Variants in LRP1 observed in about 807,000 individuals in gnomAD.
The protein encoded by LRP1 is LDL receptor related protein 1.
LRP1 carries 51 observed loss-of-function variants against 541.5 expected under a neutral mutation model. The ratio of observed to expected loss-of-function variants is 0.09; its 90% CI spans 0.08 to 0.12. The LOEUF (loss-of-function observed/expected upper bound fraction) is 0.12, where lower values mean the gene tolerates loss of function less well. Among genes scored for constraint, LRP1 ranks in the 10% least tolerant of loss-of-function variants. The pLI is 1.00. For synonymous variants in LRP1, 2,219 were observed against 2,470.8 expected, an observed-to-expected ratio of 0.90 and a Z score of 3.02; for missense variants, 3,878 against 6,376.2, an observed-to-expected ratio of 0.61 and a Z score of 13.34.
chr12:57,202,412 C>T lies in LRP1; in HGVS notation c.10595-9C>T, dbSNP rs763054060. 11 of 1,603,794 alleles carry T rather than the reference C, an allele frequency of 6.9e-6. No individual in the cohort carries two copies. Among genetic ancestry groups the T allele is most frequent in the African/African-American group, 1.3e-5 (1 of 74,800 alleles). On this transcript the variant is annotated splice_polypyrimidine_tract_variant and intron_variant, in intron 67 of 88. Coordinates refer to ENST00000243077, the MANE Select transcript of LRP1 (RefSeq NM_002332.3). Reference sequence around the variant, plus strand: ...TTTCCCTGACTGCCCTGACACTTGCCTCCTCCAGATGAACGCACCTGTGAG... The same window carrying T: ...TTTCCCTGACTGCCCTGACACTTGCTTCCTCCAGATGAACGCACCTGTGAG...
In LRP1 at chr12:57,162,664, A is replaced by T; in HGVS notation, c.2404+146A>T. On this transcript the variant is annotated intron_variant, in intron 14 of 88. Coordinates refer to ENST00000243077, the MANE Select transcript of LRP1 (RefSeq NM_002332.3). This position sits in a 1 kb window ranked among gnomAD's most constrained non-coding sequence, Gnocchi z 5.2. ...GGATCCTGAGAAGAGAACTCCCCCA[A>T]CACAATCTGATTCTCTGTTCCCCAT... The T allele has an allele frequency of 9.1e-7, 1 of 1,093,334 alleles. No individual in the cohort carries two copies. The highest frequency in any genetic ancestry group is 1.3e-6 in the Non-Finnish European group (1 of 759,668). 67.7% of individuals were successfully genotyped at this position (1,093,334 alleles called of 1,614,324 possible). A position where few individuals can be genotyped will look rare whatever the true frequency, so the allele number is the denominator to read the frequency against.
chr12:57,184,270 G>T lies in LRP1; in HGVS notation c.6059+56G>T. 1.9e-6 allele frequency: 3 copies of T among 1,613,918 alleles called. No individual in the cohort carries two copies. The highest frequency in any genetic ancestry group is 2.5e-6 in the Non-Finnish European group (3 of 1,179,798). The stretch of plus-strand genomic sequence containing the variant: ...TCTGCCCATGGCCCATGCTGATGAG[G>T]CCCTGTCTCCTCCAGGGTCTGAGGA... On this transcript the variant is annotated intron_variant, in intron 37 of 88. Coordinates refer to ENST00000243077, the MANE Select transcript of LRP1 (RefSeq NM_002332.3). The surrounding 1 kb of genome is among the most constrained non-coding windows in gnomAD (Gnocchi z 7.8).
intron 50 of LRP1, 133 bp from the exon 51 acceptor site, chr12:57,194,852 G>A: frequency 8.5e-7 from 1 of 1,179,010 alleles, no homozygotes; most frequent in Non-Finnish European, 1.2e-6. Flanking sequence ...CAGAGACTCT[G>A]CCTCTAGCTG....
chr12:57,154,516 G>A lies in LRP1; in HGVS notation c.1042G>A (p.Val348Met), dbSNP rs772498078. The A allele has an allele frequency of 2.5e-6, 4 of 1,614,230 alleles. No individual in the cohort carries two copies. In the South Asian group the frequency reaches 4.4e-5, roughly 18 times the overall value. The part of the protein sequence containing the change: ...FFTDYGQIPK[V>M]ERCDMDGQNR... ...CACTGACTATGGGCAGATCCCAAAG[G>A]TGGAACGCTGTGACATGGATGGGCA... The change falls in exon 8 of 89, where the codon GTG (valine) becomes ATG (methionine). Residue 348 changes from valine to methionine, a missense_variant. By Grantham distance (21) the Val-to-Met change is conservative. This residue lies in a region of LRP1 where 496 missense variants were observed against 861.0 expected (regional missense o/e 0.58). Transcript: ENST00000243077. This position sits in a 1 kb window ranked among gnomAD's most constrained non-coding sequence, Gnocchi z 4.6.
chr12:57,195,347 C>A lies in LRP1; in HGVS notation c.8385C>A (p.Asp2795Glu), dbSNP rs768317426. 1 of 1,612,080 alleles carries A rather than the reference C, an allele frequency of 6.2e-7. No individual in the cohort carries two copies. Among genetic ancestry groups the A allele is most frequent in the Non-Finnish European group, 8.5e-7 (1 of 1,180,026 alleles). The change falls in exon 52 of 89, where the codon GAC becomes GAA. Residue 2795 changes from aspartate to glutamate, a missense_variant. Around this residue, in one of 13 missense-constraint regions of LRP1, gnomAD observed 1,100 missense variants for 1,827.4 expected, o/e 0.60. Coordinates refer to ENST00000243077, the MANE Select transcript of LRP1 (RefSeq NM_002332.3). ...HVCVPERWLC[D>E]GDKDCADGAD... ...GCGTCCCCGAGCGCTGGCTCTGTGA[C>A]GGTGACAAAGACTGTGCTGATGGTG... is the stretch of plus-strand genomic sequence containing the variant.
chr12:57,203,339 G>A (rs2036697307), intron 69 of LRP1, 50 bp from the exon 70 acceptor site: 2 of 1,590,920 alleles, frequency 1.3e-6, no homozygotes, highest in Non-Finnish European at 1.7e-6. Context: ...GTTCAGGCAG[G>A]GCTTGGGGAG....
At position 57,162,657 on chromosome 12, in the gene LRP1, T is replaced by C; in HGVS notation, c.2404+139T>C. 9.0e-7 allele frequency: 1 copy of C among 1,112,852 alleles called. No homozygotes were observed. The highest frequency in any genetic ancestry group is 1.3e-6 in the Non-Finnish European group (1 of 775,748). The allele number at this position is 1,112,852 out of a possible 1,614,324, so 68.9% of individuals were successfully genotyped here. On this transcript the variant is annotated intron_variant, in intron 14 of 88. Transcript: ENST00000243077. This position sits in a 1 kb window ranked among gnomAD's most constrained non-coding sequence, Gnocchi z 5.2. The stretch of plus-strand genomic sequence containing the variant: ...CTTTTGAGGATCCTGAGAAGAGAAC[T>C]CCCCCAACACAATCTGATTCTCTGT...
intron 17 of LRP1, 67 bp downstream of exon 17, chr12:57,166,276 C>T (rs2035838687): frequency 6.6e-7 from 1 of 1,520,000 alleles, no homozygotes; most frequent in Non-Finnish European, 8.8e-7. Flanking sequence ...ACGAGGGGGC[C>T]AGGTTCAGTG....
chr12:57,183,259 A>C lies in LRP1; in HGVS notation c.5663-120A>C. 9.1e-7 allele frequency: 1 copy of C among 1,098,010 alleles called. No individual in the cohort carries two copies. Among genetic ancestry groups the C allele is most frequent in the Non-Finnish European group, 1.3e-6 (1 of 753,912 alleles). The allele number at this position is 1,098,010 out of a possible 1,614,324, so 68.0% of individuals were successfully genotyped here. On this transcript the variant is annotated intron_variant, in intron 34 of 88. Transcript: ENST00000243077. This position sits in a 1 kb window ranked among gnomAD's most constrained non-coding sequence, Gnocchi z 6.1. ...AGGGTGTGTGTGCTGGGTGGAGGAT[A>C]GGGATGATGGTGGGGGGGGATGATA...
In LRP1 at chr12:57,190,837, A is replaced by G. The variant is rs1161739976; in HGVS notation, c.7064A>G (p.His2355Arg). 1 of 1,613,940 alleles carries G rather than the reference A, an allele frequency of 6.2e-7. No individual in the cohort carries two copies. The highest frequency in any genetic ancestry group is 1.7e-5 in the Admixed American group (1 of 60,022). The change falls in exon 43 of 89, where the codon CAT becomes CGT. Residue 2355 changes from histidine to arginine, a missense_variant. Transcript: ENST00000243077. ...TTCTGGACCAACTGGAATGAGCAGC[A>G]TCCCAGCATCATGCGGGCGGCGCTC... ...LMFWTNWNEQ[H>R]PSIMRAALSG...
rs139469031 is a variant in LRP1 at position 57,154,324 on chromosome 12, C to T, written c.958C>T (p.Leu320=). 3.2e-4 allele frequency: 524 copies of T among 1,614,116 alleles called. No homozygotes were observed. The highest frequency in any genetic ancestry group is 4.7e-4 in the Admixed American group (28 of 60,036). ...NGDTCVTLLD[L]ELYNPKGIAL... is the part of the protein sequence containing the mutation. ...GGACACATGTGTCACATTGCTAGACCTGGAACTCTACAACCCCAAGGGCAT... is the reference window on the plus strand; with the variant it reads ...GGACACATGTGTCACATTGCTAGACTTGGAACTCTACAACCCCAAGGGCAT... Residue 320 remains leucine (L), a synonymous_variant, in exon 7 of 89, where the codon CTG becomes TTG. Coordinates refer to ENST00000243077, the MANE Select transcript of LRP1 (RefSeq NM_002332.3). The surrounding 1 kb of genome is among the most constrained non-coding windows in gnomAD (Gnocchi z 4.6).
Position 57,184,376 on chromosome 12 carries a change from G to C in LRP1, c.6110G>C (p.Arg2037Pro). The change falls in exon 38 of 89, where the codon CGG (arginine) becomes CCG (proline). Residue 2037 changes from arginine to proline, a missense_variant. By Grantham distance (103) the Arg-to-Pro change is moderately radical. Transcript: ENST00000243077. The surrounding 1 kb of genome is among the most constrained non-coding windows in gnomAD (Gnocchi z 7.8). ...WGQYPRIERS[R>P]LDGTERVVLV... ...CAGTATCCGCGTATTGAGCGGTCTC[G>C]GCTAGATGGCACGGAGCGTGTGGTG... 6.2e-7 allele frequency: 1 copy of C among 1,614,214 alleles called. No individual in the cohort carries two copies. The highest frequency in any genetic ancestry group is 1.1e-5 in the South Asian group (1 of 91,072).
chr12:57,178,099 G>A lies in LRP1; in HGVS notation c.4362-260G>A, dbSNP rs916286900. ...TTCATCAAAGCCCTGAGTGCTGACAGCAGCCCTGGGGAGAAGTGACCGAAA... is the reference window on the plus strand; with the variant it reads ...TTCATCAAAGCCCTGAGTGCTGACAACAGCCCTGGGGAGAAGTGACCGAAA... On this transcript the variant is annotated intron_variant, in intron 26 of 88. Transcript: ENST00000243077. The surrounding 1 kb of genome is among the most constrained non-coding windows in gnomAD (Gnocchi z 5.8). Among the ~76,000 whole-genome samples, 3 of 152,290 alleles carry A rather than the reference G, an allele frequency of 2.0e-5. No homozygotes were observed. Among genetic ancestry groups the A allele is most frequent in the Middle Eastern group, 3.4e-3 (1 of 294 alleles).
chr12:57,199,070 G>A (rs900318571), intron 60 of LRP1, 142 bp from the exon 61 acceptor site: 2 of 763,118 alleles, frequency 2.6e-6, no homozygotes, highest in Non-Finnish European at 4.4e-6. Context: ...TGAGACCATG[G>A]GGGGTCTGTA....
intron 44 of LRP1, among the ~76,000 whole-genome samples, chr12:57,191,930 CCA>C (rs2036409312): frequency 8.6e-6 from 1 of 116,214 alleles, no homozygotes; most frequent in Non-Finnish European, 1.9e-5. Flanking sequence ...ACTACACATA[CCA>C]CACACACACC....
rs146247876 is a variant in LRP1, at chr12:57,208,787, C to T, written c.12115C>T (p.Leu4039=). The part of the protein sequence containing the change: ...AAMDGTLRET[L]VQDNIQWPTG... ...GATGGATGGGACGCTTCGGGAGACA[C>T]TGGTGCAGGACAACATTCAGTGGCC... The change falls in exon 78 of 89, where the codon CTG becomes TTG. Residue 4039 remains leucine (L), a synonymous_variant. Coordinates refer to ENST00000243077, the MANE Select transcript of LRP1 (RefSeq NM_002332.3). The T allele has an allele frequency of 3.9e-5, 63 of 1,613,966 alleles. No individual in the cohort carries two copies. The highest frequency in any genetic ancestry group is 5.2e-5 in the Non-Finnish European group (61 of 1,180,004).
chr12:57,182,235 G>A (rs1486832917), intron 34 of LRP1, among the ~76,000 whole-genome samples: 1 of 152,180 alleles, frequency 6.6e-6, no homozygotes, highest in Admixed American at 6.5e-5. Context: ...ACTGGGCCAG[G>A]CGCAGTGGCT....
chr12:57,210,997 C>A, intron 83 of LRP1, 118 bp downstream of exon 83: 1 of 1,438,804 alleles, frequency 7.0e-7, no homozygotes, highest in Non-Finnish European at 9.3e-7. Context: ...GAAAGAAGGC[C>A]TTATGCAGCT....
rs760786040 is a variant in LRP1, at chr12:57,204,524, A to C, written c.11066A>C (p.Glu3689Ala). 1.2e-6 allele frequency: 2 copies of C among 1,603,586 alleles called. No homozygotes were observed. Among genetic ancestry groups the C allele is most frequent in the South Asian group, 1.1e-5 (1 of 90,128 alleles). ...CGDNSDENPE[E>A]CARFVCPPNR... ...GACAACTCAGATGAGAACCCCGAGGAGTGTGGTGAGATTTGGGGCGGGGCT... is the reference window on the plus strand; with the variant it reads ...GACAACTCAGATGAGAACCCCGAGGCGTGTGGTGAGATTTGGGGCGGGGCT... Residue 3689 changes from glutamate to alanine, a missense_variant, in exon 71 of 89, where the codon GAG (glutamate) becomes GCG (alanine). Glu to Ala is a moderately radical substitution (Grantham distance 107). Transcript: ENST00000243077. The surrounding 1 kb of genome is among the most constrained non-coding windows in gnomAD (Gnocchi z 5.3).
Sources: allele counts gnomAD v4.1 joint callset (sites outside exome capture counted in the v4.1 genomes callset), GRCh38; gene constraint gnomAD v4.1.1; regional missense constraint gnomAD v4.1.1; non-coding constraint Gnocchi (gnomAD v3.1); transcripts MANE v1.5; gene names NCBI Gene and HGNC (gene_info 2026-07-23, HGNC 2026-07-21).